The following SHC2 variants were observed in gnomAD, a reference collection of about 807,000 sequenced individuals.
SHC2 encodes SHC adaptor protein 2.
SHC2 carries 62 observed loss-of-function variants against 60.6 expected under a neutral mutation model. The ratio of observed to expected loss-of-function variants is 1.02; its 90% CI spans 0.83 to 1.26. The LOEUF (loss-of-function observed/expected upper bound fraction) is 1.26. Ranked by LOEUF, SHC2 falls within the 50% of genes most tolerant of loss-of-function variation. The probability of loss-of-function intolerance (pLI) is 0.00; values close to 1 mark genes in which losing one functional copy is unlikely to be tolerated. For synonymous variants in SHC2, 375 were observed against 372.4 expected (o/e 1.01, Z -0.08); for missense variants, 873 against 822.2 (o/e 1.06, Z -0.76).
intron 9 of SHC2, among the ~76,000 whole-genome samples, chr19:428,229 A>G (rs1041361551): frequency 1.3e-5 from 2 of 152,238 alleles, no homozygotes; most frequent in African/African-American, 4.8e-5. Flanking sequence ...CTCAAAAACA[A>G]AAAGCCAAAG....
intron 9 of SHC2, among the ~76,000 whole-genome samples, chr19:427,851 G>A (rs1036206939): frequency 8.8e-5 from 12 of 136,976 alleles, no homozygotes; most frequent in African/African-American, 2.2e-4. Flanking sequence ...ACACGGCACA[G>A]GGAAGGGGGA....
At chr19:457,863 G>A (rs1173024755) in intron 1 of SHC2, among the ~76,000 whole-genome samples, 1 of 152,278 alleles carries the variant, frequency 6.6e-6, no homozygotes, top group African/African-American at 2.4e-5. Context: ...AAACCGCCGG[G>A]AGACGGCGAG....
rs1464134402 is a variant in SHC2, at chr19:453,846, C to A, written c.468+6683G>T. On this transcript the variant is annotated intron_variant, in intron 1 of 12. Transcript: ENST00000264554. This position sits in a 1 kb window ranked among gnomAD's most constrained non-coding sequence, Gnocchi z 6.3. ...GAGCCAGACACGCACAGGAAACTCT[C>A]CCTGAAGTGCTCACGAGGTGAGGTG... is the stretch of plus-strand genomic sequence containing the variant. Among the ~76,000 whole-genome samples the A allele has an allele frequency of 6.6e-6, 1 of 152,220 alleles. No homozygotes were observed. Among genetic ancestry groups the A allele is most frequent in the African/African-American group, 2.4e-5 (1 of 41,462 alleles).
chr19:421,457 G>A (rs1026651634), intron 11 of SHC2, among the ~76,000 whole-genome samples: 17 of 71,244 alleles, frequency 2.4e-4, no homozygotes, highest in Admixed American at 9.6e-4. Flanking sequence ...AAAGGAGGGA[G>A]GGAGAGAGGG....
At chr19:458,864 G>A (rs928550733) in intron 1 of SHC2, among the ~76,000 whole-genome samples, 2 of 152,006 alleles carry the variant, frequency 1.3e-5, no homozygotes, top group Non-Finnish European at 2.9e-5. Flanking sequence ...GCGGGTCCTG[G>A]GGAGGCAGAA....
intron 1 of SHC2, among the ~76,000 whole-genome samples, chr19:455,440 G>C (rs950463495): frequency 2.0e-5 from 3 of 152,240 alleles, no homozygotes; most frequent in African/African-American, 7.2e-5. Context: ...GCAGGACTCG[G>C]CGTGAGCCTC....
At position 425,372 on chromosome 19, in the gene SHC2, T is replaced by G; in HGVS notation, c.1175-141A>C. ...AGGGCGGATGCTGCTCTGGTCTCCC[T>G]GTGGTAACCCGCCCGTCTGCAGGTG... On this transcript the variant is annotated intron_variant, in intron 9 of 12. Transcript: ENST00000264554. This position sits in a 1 kb window ranked among gnomAD's most constrained non-coding sequence, Gnocchi z 4.1. The G allele has an allele frequency of 1.5e-6, 1 of 670,174 alleles. No individual in the cohort carries two copies. The highest frequency in any genetic ancestry group is 1.9e-5 in the African/African-American group (1 of 53,646). 41.5% of individuals were successfully genotyped at this position (670,174 alleles called of 1,614,324 possible).
chr19:446,335 G>T lies in SHC2; in HGVS notation c.469-5403C>A, dbSNP rs937079390. On this transcript the variant is annotated intron_variant, in intron 1 of 12. Transcript: ENST00000264554. The surrounding 1 kb of genome is among the most constrained non-coding windows in gnomAD (Gnocchi z 5.4). ...GGGTTTTTGTTTGTTTGTTTGAGAC[G>T]GAGTCTTGCTCTGTCGCCAGGCTGG... 6.6e-6 allele frequency among the ~76,000 whole-genome samples: 1 copy of T among 152,044 alleles called. No individual in the cohort carries two copies. Among genetic ancestry groups the T allele is most frequent in the East Asian group, 1.9e-4 (1 of 5,190 alleles).
At chr19:457,300 CACCT>C (rs1257715374) in intron 1 of SHC2, among the ~76,000 whole-genome samples, 41 of 148,654 alleles carry the variant, frequency 2.8e-4, no homozygotes, top group Non-Finnish European at 5.2e-4. Context: ...TTTGCACCTG[CACCT>C]GCTGTACCCC....
Position 440,940 on chromosome 19 carries a change from G to A in SHC2, c.469-8C>T. The A allele has an allele frequency of 6.2e-7, 1 of 1,611,746 alleles. No individual in the cohort carries two copies. Among genetic ancestry groups the A allele is most frequent in the South Asian group, 1.1e-5 (1 of 91,068 alleles). ...CTCGATGCAGCCCATGTACTGAGGG[G>A]AGAGAACAGGTGTCAGATGCCATCG... On this transcript the variant is annotated splice_polypyrimidine_tract_variant and splice_region_variant and intron_variant, in intron 1 of 12. Transcript: ENST00000264554. This position sits in a 1 kb window ranked among gnomAD's most constrained non-coding sequence, Gnocchi z 7.0.
In SHC2 at chr19:438,893, C is replaced by T. The variant is rs1321199838; in HGVS notation, c.601-56G>A. The stretch of plus-strand genomic sequence containing the variant: ...GCTGTGGGTGGGGGCTGTCGAGGGG[C>T]TCCCAGGATGGCCGCAGCGTCCCCA... On this transcript the variant is annotated intron_variant, in intron 3 of 12. Coordinates refer to ENST00000264554, the MANE Select transcript of SHC2 (RefSeq NM_012435.3). The surrounding 1 kb of genome is among the most constrained non-coding windows in gnomAD (Gnocchi z 5.0). 5.8e-6 allele frequency: 9 copies of T among 1,553,324 alleles called. No homozygotes were observed. The highest frequency in any genetic ancestry group is 2.7e-5 in the African/African-American group (2 of 73,242).
chr19:458,349 G>A (rs1311059943), intron 1 of SHC2, among the ~76,000 whole-genome samples: 9 of 127,456 alleles, frequency 7.1e-5, no homozygotes, highest in South Asian at 2.8e-4. Flanking sequence ...AGACAGAAGC[G>A]GGTTCCGGGG....
chr19:447,325 G>A (rs756264791), intron 1 of SHC2, among the ~76,000 whole-genome samples: 7 of 152,234 alleles, frequency 4.6e-5, no homozygotes, highest in Non-Finnish European at 1.0e-4. Context: ...GGGGAGGGAC[G>A]GCTGAGGGCA....
intron 1 of SHC2, among the ~76,000 whole-genome samples, chr19:456,604 A>G (rs1975347940): frequency 6.6e-6 from 1 of 151,658 alleles, no homozygotes; most frequent in South Asian, 2.1e-4. Context: ...CCACAGAGAG[A>G]GTCCCGCTCC....
chr19:429,601 G>A (rs1436366911), intron 9 of SHC2, among the ~76,000 whole-genome samples: 4 of 144,070 alleles, frequency 2.8e-5, no homozygotes, highest in Non-Finnish European at 4.5e-5. Flanking sequence ...TACCCAACAT[G>A]CAGAGAAACC....
intron 8 of SHC2, among the ~76,000 whole-genome samples, chr19:434,184 C>G (rs903259498): frequency 1.9e-5 from 2 of 106,002 alleles, no homozygotes; most frequent in African/African-American, 8.6e-5. Flanking sequence ...TAGAGGAGGC[C>G]GGGCAGATAC....
intron 9 of SHC2, among the ~76,000 whole-genome samples, chr19:428,304 A>G (rs1383812614): frequency 1.3e-5 from 2 of 152,202 alleles, no homozygotes; most frequent in African/African-American, 4.8e-5. Flanking sequence ...AAATGGCCCG[A>G]GTGCCCCTCC....
intron 12 of SHC2, among the ~76,000 whole-genome samples, chr19:418,007 A>C: frequency 1.4e-5 from 2 of 141,824 alleles, no homozygotes; most frequent in Non-Finnish European, 1.5e-5. Flanking sequence ...CTCAGCCTTC[A>C]CTCCCTCCAG....
Position 425,422 on chromosome 19 carries a change from AAAGCCCCGTCGGG to A in SHC2, c.1175-204_1175-192del, listed in dbSNP as rs542708788. ...GCCACAGGGAGCATCTTACAGCAGC[AAAGCCCCGTCGGG>A]GCTCCAACCAGGGACAAGAGTGGGG... On this transcript the variant is annotated intron_variant, in intron 9 of 12. Coordinates refer to ENST00000264554, the MANE Select transcript of SHC2 (RefSeq NM_012435.3). This position sits in a 1 kb window ranked among gnomAD's most constrained non-coding sequence, Gnocchi z 4.1. Among the ~76,000 whole-genome samples, 1 of 152,322 alleles carries A rather than the reference AAAGCCCCGTCGGG, an allele frequency of 6.6e-6. No individual in the cohort carries two copies. Among genetic ancestry groups the A allele is most frequent in the South Asian group, 2.1e-4 (1 of 4,828 alleles).
Sources: allele counts gnomAD v4.1 joint callset (sites outside exome capture counted in the v4.1 genomes callset), GRCh38; gene constraint gnomAD v4.1.1; non-coding constraint Gnocchi (gnomAD v3.1); transcripts MANE v1.5; gene names NCBI Gene and HGNC (gene_info 2026-07-23, HGNC 2026-07-21).